The following HS3ST4 variants were observed in gnomAD, a reference collection of about 807,000 sequenced individuals.
The protein encoded by HS3ST4 is heparan sulfate glucosamine 3-O-sulfotransferase 4.
A neutral mutation model predicts 29.2 loss-of-function variants in HS3ST4; 17 were observed. The observed-to-expected ratio is 0.58, with a 90% CI of 0.40 to 0.87. The LOEUF (loss-of-function observed/expected upper bound fraction) is 0.87. Ranked by LOEUF, HS3ST4 falls within the 40% of genes least tolerant of loss-of-function variation. The pLI, the probability that HS3ST4 is intolerant of heterozygous loss-of-function variation, is 0.00. For synonymous variants in HS3ST4, 314 were observed against 285.7 expected, an observed-to-expected ratio of 1.10 and a Z score of -1.00; for missense variants, 627 against 634.5, an observed-to-expected ratio of 0.99 and a Z score of 0.13.
chr16:25,935,040 G>C (rs539068528), intron 1 of HS3ST4, among the ~76,000 whole-genome samples: 1 of 152,184 alleles, frequency 6.6e-6, no homozygotes, highest in South Asian at 2.1e-4. Context: ...TACGAGATCT[G>C]ATAGTTTTAT....
At chr16:25,695,768 C>T (rs535178216) in intron 1 of HS3ST4, among the ~76,000 whole-genome samples, 1 of 152,316 alleles carries the variant, frequency 6.6e-6, no homozygotes, top group South Asian at 2.1e-4. Flanking sequence ...ATCTATTTGA[C>T]TGATTAGAGA....
At chr16:26,031,704 G>GTT (rs202095804) in intron 1 of HS3ST4, among the ~76,000 whole-genome samples, 100 of 141,918 alleles carry the variant, frequency 7.0e-4, no homozygotes, top group African/African-American at 2.2e-3. Flanking sequence ...ATGGAGGCGT[G>GTT]TTTTTTTTTT....
In HS3ST4 at chr16:26,039,375, T is replaced by C. The variant is rs978602982; in HGVS notation, c.735-96237T>C. On this transcript the variant is annotated intron_variant, in intron 1 of 1. Coordinates refer to ENST00000331351, the MANE Select transcript of HS3ST4 (RefSeq NM_006040.3). ...GAGTGTGTGTATGTGTGCTTTTTTATATATACATTTTCTATTAGTATTTGC... is the reference window on the plus strand; with the variant it reads ...GAGTGTGTGTATGTGTGCTTTTTTACATATACATTTTCTATTAGTATTTGC... 5.3e-5 allele frequency among the ~76,000 whole-genome samples: 8 copies of C among 152,334 alleles called. No individual in the cohort carries two copies. In the East Asian group the frequency reaches 1.2e-3, roughly 22 times the overall value.
chr16:25,795,308 T>A (rs904915664), intron 1 of HS3ST4, among the ~76,000 whole-genome samples: 17 of 152,124 alleles, frequency 1.1e-4, no homozygotes, highest in Non-Finnish European at 2.2e-4. Flanking sequence ...TCTTTTTTTT[T>A]ACTTTTTATG....
rs548288264 is a variant in HS3ST4 at position 25,828,728 on chromosome 16, TTC to T, written c.734+135578_734+135579del. ...TGTCCATGTGCAAACATACTTGAGG[TTC>T]AGCTCCTACTTATAAGTGAGAACAT... On this transcript the variant is annotated intron_variant, in intron 1 of 1. Coordinates refer to ENST00000331351, the MANE Select transcript of HS3ST4 (RefSeq NM_006040.3). Among the ~76,000 whole-genome samples, 553 of 152,278 alleles carry T rather than the reference TTC, an allele frequency of 3.6e-3. 5 individuals carry two copies. Among genetic ancestry groups the T allele is most frequent in the Middle Eastern group, 0.02 (6 of 294 alleles).
chr16:25,746,125 T>C (rs1187467253), intron 1 of HS3ST4, among the ~76,000 whole-genome samples: 1 of 152,246 alleles, frequency 6.6e-6, no homozygotes, highest in Non-Finnish European at 1.5e-5. Context: ...TCTTCTCAAT[T>C]AGACTATGAG....
chr16:25,845,184 A>T (rs35457123), intron 1 of HS3ST4, among the ~76,000 whole-genome samples: 42,069 of 152,004 alleles, frequency 0.28, 6,517 homozygotes, highest in Admixed American at 0.34. Flanking sequence ...CTGCACATGT[A>T]CCCTGGAACT....
chr16:25,817,823 A>C (rs1000409396), intron 1 of HS3ST4, among the ~76,000 whole-genome samples: 8 of 152,202 alleles, frequency 5.3e-5, no homozygotes, highest in Non-Finnish European at 1.2e-4. Context: ...CATGATTTCA[A>C]CTGTGCCTCT....
At chr16:25,754,391 TC>T (rs1966742184) in intron 1 of HS3ST4, among the ~76,000 whole-genome samples, 1 of 148,674 alleles carries the variant, frequency 6.7e-6, no homozygotes, top group African/African-American at 2.5e-5. Context: ...TAGCCATTCA[TC>T]CACCCACCCA....
At chr16:25,999,853 T>A (rs1211819554) in intron 1 of HS3ST4, among the ~76,000 whole-genome samples, 3 of 134,226 alleles carry the variant, frequency 2.2e-5, no homozygotes, top group African/African-American at 8.6e-5. Flanking sequence ...TTTATATATA[T>A]TATATATATA....
chr16:26,003,814 T>C (rs1191076131), intron 1 of HS3ST4, among the ~76,000 whole-genome samples: 1 of 152,126 alleles, frequency 6.6e-6, no homozygotes, highest in Non-Finnish European at 1.5e-5. Flanking sequence ...AGGAATTTCT[T>C]GGCAGTGCAG....
chr16:25,740,227 A>C (rs995473917), intron 1 of HS3ST4, among the ~76,000 whole-genome samples: 2 of 152,280 alleles, frequency 1.3e-5, no homozygotes, highest in Admixed American at 6.5e-5. Flanking sequence ...GACTGTTTGC[A>C]TTTGAATGAC....
chr16:26,107,184 A>G lies in HS3ST4; in HGVS notation c.735-28428A>G, dbSNP rs187728258. 3.6e-3 allele frequency among the ~76,000 whole-genome samples: 541 copies of G among 152,208 alleles called. 2 individuals are homozygous for G. Among genetic ancestry groups the G allele is most frequent in the Non-Finnish European group, 4.0e-3 (272 of 68,016 alleles). On this transcript the variant is annotated intron_variant, in intron 1 of 1. Coordinates refer to ENST00000331351, the MANE Select transcript of HS3ST4 (RefSeq NM_006040.3). Reference sequence around the variant, plus strand: ...ATAATCCTGGATCAAATCTCAGCCTAAGGGTGCCATACGTATATATGGAAT... The same window carrying G: ...ATAATCCTGGATCAAATCTCAGCCTGAGGGTGCCATACGTATATATGGAAT...
At chr16:26,101,773 G>T (rs866801054) in intron 1 of HS3ST4, among the ~76,000 whole-genome samples, 1 of 152,150 alleles carries the variant, frequency 6.6e-6, no homozygotes, top group Non-Finnish European at 1.5e-5. Context: ...ATGGATGGAT[G>T]AATCACTTTT....
intron 1 of HS3ST4, among the ~76,000 whole-genome samples, chr16:26,055,684 G>A (rs1898398298): frequency 1.3e-5 from 2 of 152,140 alleles, no homozygotes; most frequent in Non-Finnish European, 2.9e-5. Context: ...ACTATCCCCT[G>A]GCTAAATGTC....
chr16:26,034,639 A>G (rs1417765926), intron 1 of HS3ST4, among the ~76,000 whole-genome samples: 1 of 131,916 alleles, frequency 7.6e-6, no homozygotes, highest in Non-Finnish European at 1.6e-5. Flanking sequence ...AATCCCTAAA[A>G]CTGGAGGTGC....
chr16:25,875,155 A>G (rs1967816457), intron 1 of HS3ST4, among the ~76,000 whole-genome samples: 1 of 152,162 alleles, frequency 6.6e-6, no homozygotes, highest in Non-Finnish European at 1.5e-5. Context: ...ACAGCTGAAC[A>G]ACCAGATAAC....
chr16:25,875,772 G>A (rs577242699), intron 1 of HS3ST4, among the ~76,000 whole-genome samples: 20 of 152,162 alleles, frequency 1.3e-4, no homozygotes, highest in Admixed American at 4.6e-4. Context: ...TTGGCCATGG[G>A]TCATACAGTC....
At chr16:25,824,543 A>G (rs1967197293) in intron 1 of HS3ST4, among the ~76,000 whole-genome samples, 1 of 152,188 alleles carries the variant, frequency 6.6e-6, no homozygotes, top group Non-Finnish European at 1.5e-5. Context: ...ATCAGATCTT[A>G]TGTGACGTAT....
Sources: allele counts gnomAD v4.1 joint callset (sites outside exome capture counted in the v4.1 genomes callset), GRCh38; gene constraint gnomAD v4.1.1; transcripts MANE v1.5; gene names NCBI Gene and HGNC (gene_info 2026-07-23, HGNC 2026-07-21).